Variants in TDRP observed in about 807,000 individuals in gnomAD.
The protein encoded by TDRP is testis development related protein.
A neutral mutation model predicts 10.5 loss-of-function variants in TDRP; 12 were observed. The ratio of observed to expected loss-of-function variants is 1.15; its 90% CI spans 0.73 to 1.86. The LOEUF (loss-of-function observed/expected upper bound fraction) is 1.86. TDRP is among the 40% of genes most tolerant of loss of function. The pLI is 0.00. For missense variants in TDRP, 353 were observed against 229.2 expected, an observed-to-expected ratio of 1.54 and a Z score of -3.49; for synonymous variants, 139 against 95.4, an observed-to-expected ratio of 1.46 and a Z score of -2.67.
rs984685611 is a variant in TDRP at position 490,002 on chromosome 8, T to G, written c.*2397A>C. The G allele has an allele frequency of 1.3e-5, 2 of 152,144 alleles. No homozygotes were observed. The highest frequency in any genetic ancestry group is 4.8e-5 in the African/African-American group (2 of 41,422). The allele number at this position is 152,144 out of a possible 1,614,324, so 9.4% of individuals were successfully genotyped here. On this transcript the variant is annotated 3_prime_UTR_variant, in exon 3 of 3. Coordinates refer to ENST00000324079, the MANE Select transcript of TDRP (RefSeq NM_001384899.1). ...AACCTCAACATTAAGGAGGAACCCT[T>G]CTCTGAAGCACATCACTTTCCTATT...
chr8:522,818 G>A (rs1020217726), intron 1 of TDRP, among the ~76,000 whole-genome samples: 8 of 152,106 alleles, frequency 5.3e-5, no homozygotes, highest in African/African-American at 1.7e-4. Context: ...ACTTTTATCC[G>A]ATATAAGTAG....
intron 1 of TDRP, among the ~76,000 whole-genome samples, chr8:511,349 T>A (rs1801611228): frequency 6.6e-6 from 1 of 151,676 alleles, no homozygotes; most frequent in African/African-American, 2.4e-5. Flanking sequence ...AAAGAGAGTT[T>A]AAAAAATTTT....
chr8:542,451 G>A (rs997415509), intron 1 of TDRP, among the ~76,000 whole-genome samples: 2 of 152,066 alleles, frequency 1.3e-5, no homozygotes, highest in Admixed American at 6.5e-5. Flanking sequence ...GTGGGGGGCT[G>A]GGGATCCATG....
At chr8:499,225 TTTTTG>T (rs76093312) in intron 1 of TDRP, among the ~76,000 whole-genome samples, 4 of 151,896 alleles carry the variant, frequency 2.6e-5, no homozygotes, top group Admixed American at 6.5e-5. Context: ...TCAAACAACG[TTTTTG>T]TTTTGTTTTG....
At chr8:538,818 T>C (rs888457836) in intron 1 of TDRP, among the ~76,000 whole-genome samples, 1 of 152,192 alleles carries the variant, frequency 6.6e-6, no homozygotes, top group African/African-American at 2.4e-5. Context: ...AAGATGCAAC[T>C]TTTCCCCCCA....
chr8:511,865 T>C (rs1801628534), intron 1 of TDRP, among the ~76,000 whole-genome samples: 1 of 152,098 alleles, frequency 6.6e-6, no homozygotes, highest in Non-Finnish European at 1.5e-5. Context: ...AAAATACTTG[T>C]AAACAAAGTG....
chr8:517,365 C>A (rs1454969508), intron 1 of TDRP, among the ~76,000 whole-genome samples: 1 of 152,160 alleles, frequency 6.6e-6, no homozygotes, highest in African/African-American at 2.4e-5. Context: ...AGGTCTTTTC[C>A]TGAACAAGGA....
At chr8:499,894 G>C (rs1801239825) in intron 1 of TDRP, among the ~76,000 whole-genome samples, 1 of 152,220 alleles carries the variant, frequency 6.6e-6, no homozygotes, top group Non-Finnish European at 1.5e-5. Flanking sequence ...GGTGGCGACA[G>C]CCTAAGTGCT....
chr8:535,619 G>T (rs1303402562), intron 1 of TDRP, among the ~76,000 whole-genome samples: 1 of 152,052 alleles, frequency 6.6e-6, no homozygotes, highest in Non-Finnish European at 1.5e-5. Context: ...CTCCCCAAAG[G>T]CAGACGTAAA....
At chr8:503,282 G>A (rs1168555694) in intron 1 of TDRP, among the ~76,000 whole-genome samples, 3 of 134,498 alleles carry the variant, frequency 2.2e-5, no homozygotes, top group East Asian at 2.4e-4. Context: ...GGCAACCCAC[G>A]TCCACCTCAG....
chr8:520,471 G>A (rs1369443291), intron 1 of TDRP, among the ~76,000 whole-genome samples: 1 of 152,186 alleles, frequency 6.6e-6, no homozygotes, highest in Non-Finnish European at 1.5e-5. Context: ...ACAGAAGTGG[G>A]ATGGCTGAAA....
chr8:502,538 G>A (rs1036133293), intron 1 of TDRP, among the ~76,000 whole-genome samples: 2 of 152,180 alleles, frequency 1.3e-5, no homozygotes, highest in Non-Finnish European at 2.9e-5. Flanking sequence ...GGGTGACCTA[G>A]GCATACCTCA....
At chr8:518,745 T>C (rs1004320318) in intron 1 of TDRP, among the ~76,000 whole-genome samples, 2 of 141,612 alleles carry the variant, frequency 1.4e-5, no homozygotes, top group Non-Finnish European at 3.1e-5. Context: ...ATTGGAAAAG[T>C]AAATAGATTC....
chr8:508,890 G>C (rs1801536643), intron 1 of TDRP, among the ~76,000 whole-genome samples: 1 of 152,166 alleles, frequency 6.6e-6, no homozygotes, highest in Admixed American at 6.5e-5. Flanking sequence ...TTACTTCCTA[G>C]ATACAATGGA....
chr8:505,630 C>A (rs1024969583), intron 1 of TDRP, among the ~76,000 whole-genome samples: 1 of 152,312 alleles, frequency 6.6e-6, no homozygotes, highest in African/African-American at 2.4e-5. Context: ...CCAGCCACAG[C>A]AGCAGGAACG....
intron 1 of TDRP, among the ~76,000 whole-genome samples, chr8:502,479 A>T (rs946757945): frequency 6.6e-6 from 1 of 152,206 alleles, no homozygotes; most frequent in Admixed American, 6.5e-5. Flanking sequence ...GGGGCTGCTG[A>T]TCTGACCCCC....
intron 1 of TDRP, among the ~76,000 whole-genome samples, chr8:501,896 G>A (rs1278794426): frequency 6.6e-6 from 1 of 152,148 alleles, no homozygotes; most frequent in Admixed American, 6.5e-5. Context: ...AAGGAGCTGT[G>A]CATGACCCTG....
chr8:528,966 G>A (rs1417113318), intron 1 of TDRP, among the ~76,000 whole-genome samples: 1 of 152,176 alleles, frequency 6.6e-6, no homozygotes, highest in African/African-American at 2.4e-5. Flanking sequence ...TCCCAAAACT[G>A]AAGAACTTGG....
chr8:512,969 C>T (rs1000078600), intron 1 of TDRP, among the ~76,000 whole-genome samples: 4 of 27,892 alleles, frequency 1.4e-4, no homozygotes, highest in Non-Finnish European at 2.3e-4. Flanking sequence ...AAGATTTCAC[C>T]TCAAAAAAAA....
Sources: gnomAD v4.1 joint callset for allele counts (sites outside exome capture counted in the v4.1 genomes callset) on GRCh38, gnomAD v4.1.1 for gene constraint, MANE v1.5 for transcripts, NCBI Gene and HGNC (gene_info 2026-07-23, HGNC 2026-07-21) for gene names.